POU6F2: variants seen among roughly 807,000 people sequenced by gnomAD.
POU6F2 encodes POU domain, class 6, transcription factor 2.
POU6F2 carries 31 observed loss-of-function variants against 71.3 expected under a neutral mutation model. The ratio of observed to expected loss-of-function variants is 0.43; its 90% CI spans 0.33 to 0.59. POU6F2 has a LOEUF of 0.59. Ranked by LOEUF, POU6F2 falls within the 20% of genes least tolerant of loss-of-function variation. POU6F2 has a pLI of 0.04. For missense variants in POU6F2, 783 were observed against 856.8 expected (o/e 0.91, Z 1.07); for synonymous variants, 347 against 355.7 (o/e 0.98, Z 0.27).
At chr7:39,039,210 T>C (rs1246532209) in intron 1 of POU6F2, among the ~76,000 whole-genome samples, 1 of 152,014 alleles carries the variant, frequency 6.6e-6, no homozygotes, top group African/African-American at 2.4e-5. Flanking sequence ...TATTTTACCA[T>C]GGTCAAAAGT....
intron 2 of POU6F2, among the ~76,000 whole-genome samples, chr7:39,088,589 ATACT>A (rs1791303258): frequency 6.6e-6 from 1 of 152,170 alleles, no homozygotes; most frequent in Non-Finnish European, 1.5e-5. Context: ...ATTTTCTAAC[ATACT>A]TTCTTTCTCA....
At chr7:39,314,052 C>T (rs910178438) in intron 4 of POU6F2, among the ~76,000 whole-genome samples, 3 of 152,148 alleles carry the variant, frequency 2.0e-5, no homozygotes, top group Non-Finnish European at 4.4e-5. Flanking sequence ...TGATGCTCTG[C>T]GTGCAGCTTC....
In POU6F2 at chr7:39,123,837, CACATATGTTAAGAAG is replaced by C. The variant is rs1280749802; in HGVS notation, c.277+37808_277+37822del. Among the ~76,000 whole-genome samples, 6 of 151,790 alleles carry C rather than the reference CACATATGTTAAGAAG, an allele frequency of 4.0e-5. No individual in the cohort carries two copies. The East Asian group carries it at 7.7e-4, about 20-fold the overall frequency. Reference sequence around the variant, plus strand: ...ATCTTTTCTGACATTTCAACAACTTCACATATGTTAAGAAGAAAAATCAAGTAACTAGTAGTAAAA... The same window carrying C: ...ATCTTTTCTGACATTTCAACAACTTCAAAAATCAAGTAACTAGTAGTAAAA... On this transcript the variant is annotated intron_variant, in intron 2 of 9. Coordinates refer to ENST00000518318, the MANE Select transcript of POU6F2 (RefSeq NM_001370959.1).
chr7:39,277,650 G>A (rs1166833378), intron 4 of POU6F2, among the ~76,000 whole-genome samples: 1 of 146,682 alleles, frequency 6.8e-6, no homozygotes, highest in Non-Finnish European at 1.5e-5. Flanking sequence ...CAGGGAAAGG[G>A]AAAACATTGG....
intron 1 of POU6F2, among the ~76,000 whole-genome samples, chr7:39,076,469 A>G (rs1452709117): frequency 6.6e-6 from 1 of 152,232 alleles, no homozygotes; most frequent in Non-Finnish European, 1.5e-5. Context: ...TACCTATGTA[A>G]CAAACCTGCA....
intron 4 of POU6F2, among the ~76,000 whole-genome samples, chr7:39,211,961 T>C (rs1794150552): frequency 6.6e-6 from 1 of 152,242 alleles, no homozygotes; most frequent in African/African-American, 2.4e-5. Flanking sequence ...CCAATTCATG[T>C]ACCTGTCAGG....
At chr7:39,218,054 A>G (rs1020472319) in intron 4 of POU6F2, among the ~76,000 whole-genome samples, 5 of 152,192 alleles carry the variant, frequency 3.3e-5, no homozygotes, top group African/African-American at 1.2e-4. Context: ...TTTGCACATA[A>G]TAAGGCTGTA....
At chr7:39,015,700 T>TAGATATA (rs1554308033) in intron 1 of POU6F2, among the ~76,000 whole-genome samples, 1 of 84,486 alleles carries the variant, frequency 1.2e-5, no homozygotes, top group Non-Finnish European at 2.2e-5. Context: ...CTATATATTA[T>TAGATATA]ATATATCTAT....
At chr7:39,386,528 G>T (rs938296797) in intron 5 of POU6F2, among the ~76,000 whole-genome samples, 1 of 152,144 alleles carries the variant, frequency 6.6e-6, no homozygotes, top group African/African-American at 2.4e-5. Flanking sequence ...TGAGGACAAG[G>T]GAGAACCAGC....
chr7:39,225,897 T>TG (rs1240095641), intron 4 of POU6F2, among the ~76,000 whole-genome samples: 4 of 152,040 alleles, frequency 2.6e-5, no homozygotes. Flanking sequence ...CCCGCGTTTT[T>TG]GGGGGAAAAT....
intron 4 of POU6F2, among the ~76,000 whole-genome samples, chr7:39,226,109 G>C (rs1171278554): frequency 6.6e-6 from 1 of 152,086 alleles, no homozygotes; most frequent in Non-Finnish European, 1.5e-5. Flanking sequence ...GATTTACATG[G>C]TCAGTGGAAA....
intron 7 of POU6F2, among the ~76,000 whole-genome samples, chr7:39,444,356 G>A (rs1412528003): frequency 6.6e-6 from 1 of 152,232 alleles, no homozygotes; most frequent in Non-Finnish European, 1.5e-5. Flanking sequence ...GGCCGAGGCA[G>A]GCAGATCGCC....
intron 4 of POU6F2, among the ~76,000 whole-genome samples, chr7:39,275,884 C>T (rs1418060749): frequency 6.6e-6 from 1 of 151,712 alleles, no homozygotes; most frequent in Non-Finnish European, 1.5e-5. Context: ...TTCCTTACAC[C>T]TTATACAAAA....
At chr7:39,345,771 A>T (rs1028093969) in intron 5 of POU6F2, among the ~76,000 whole-genome samples, 1 of 152,244 alleles carries the variant, frequency 6.6e-6, no homozygotes, top group African/African-American at 2.4e-5. Flanking sequence ...AAACTTTATT[A>T]CTATGGAAAA....
Position 39,430,951 on chromosome 7 carries a change from G to A in POU6F2, c.1114-2126G>A, listed in dbSNP as rs568181971. ...AGTTATCCAACATAAGCTGAAGATG[G>A]GAGGCCTGTTCCTGGGCCTCTCTTA... On this transcript the variant is annotated intron_variant, in intron 6 of 9. Transcript: ENST00000518318. 2.6e-5 allele frequency among the ~76,000 whole-genome samples: 4 copies of A among 152,304 alleles called. No homozygotes were observed. In the East Asian group the frequency reaches 7.7e-4, roughly 29 times the overall value.
intron 2 of POU6F2, among the ~76,000 whole-genome samples, chr7:39,088,923 T>G (rs1791310035): frequency 6.6e-6 from 1 of 152,302 alleles, no homozygotes; most frequent in African/African-American, 2.4e-5. Context: ...CCTCTATGGA[T>G]AAACAAAGGA....
intron 1 of POU6F2, among the ~76,000 whole-genome samples, chr7:39,079,750 A>G (rs536944488): frequency 6.6e-6 from 1 of 152,198 alleles, no homozygotes; most frequent in Non-Finnish European, 1.5e-5. Context: ...AGAGAAAGAG[A>G]TAGCAGTTGG....
chr7:39,064,628 G>T (rs6979668), intron 1 of POU6F2, among the ~76,000 whole-genome samples: 1 of 151,500 alleles, frequency 6.6e-6, no homozygotes, highest in African/African-American at 2.4e-5. Context: ...ATTAATTATG[G>T]CAATAAACAT....
At chr7:39,045,588 A>ACATT (rs1187332247) in intron 1 of POU6F2, among the ~76,000 whole-genome samples, 8 of 151,422 alleles carry the variant, frequency 5.3e-5, no homozygotes. Context: ...TACATGCTGT[A>ACATT]CATTCACTCA....
Sources: allele counts gnomAD v4.1 joint callset (sites outside exome capture counted in the v4.1 genomes callset), GRCh38; gene constraint gnomAD v4.1.1; transcripts MANE v1.5; gene names NCBI Gene and HGNC (gene_info 2026-07-23, HGNC 2026-07-21).